SMIM35: variants seen among roughly 807,000 people sequenced by gnomAD.
SMIM35 encodes TMPRSS4 antisense RNA 1 (non-protein coding).
At chr11:118,079,484 G>A (rs73010757) in intron 1 of SMIM35, among the ~76,000 whole-genome samples, 37,839 of 152,128 alleles carry the variant, frequency 0.25, 4,740 homozygotes, top group South Asian at 0.29. Context: ...CCCTGTCCCC[G>A]AAGGAAATGT....
chr11:118,042,139 A>G (rs1464842352), intron 1 of SMIM35, among the ~76,000 whole-genome samples: 1 of 151,156 alleles, frequency 6.6e-6, no homozygotes, highest in African/African-American at 2.4e-5. Context: ...TTAGAGTGGA[A>G]ACTAATAAAA....
At chr11:118,017,851 G>A (rs1028487873) in intron 1 of SMIM35, among the ~76,000 whole-genome samples, 1 of 152,152 alleles carries the variant, frequency 6.6e-6, no homozygotes, top group African/African-American at 2.4e-5. Context: ...AGCAAAAGCG[G>A]GGAAAGTCCC....
At chr11:118,057,090 C>T (rs143381953) in intron 1 of SMIM35, among the ~76,000 whole-genome samples, 5 of 152,280 alleles carry the variant, frequency 3.3e-5, no homozygotes, top group East Asian at 1.9e-4. Flanking sequence ...CAAGGGAAAG[C>T]GGTGCATTGG....
At chr11:118,078,704 G>A (rs905533739) in intron 1 of SMIM35, among the ~76,000 whole-genome samples, 1 of 152,108 alleles carries the variant, frequency 6.6e-6, no homozygotes, top group Non-Finnish European at 1.5e-5. Flanking sequence ...TGTCTCTTGG[G>A]GGAGCAACAG....
intron 1 of SMIM35, among the ~76,000 whole-genome samples, chr11:118,062,800 T>A (rs1319724327): frequency 2.0e-5 from 3 of 152,174 alleles, no homozygotes; most frequent in Non-Finnish European, 4.4e-5. Flanking sequence ...CCAGCTTGAA[T>A]AGGAGCTGGG....
intron 1 of SMIM35, among the ~76,000 whole-genome samples, chr11:118,019,107 A>T (rs1214764890): frequency 2.0e-5 from 3 of 152,158 alleles, no homozygotes; most frequent in African/African-American, 7.2e-5. Flanking sequence ...ATTTTTAACA[A>T]ATTCTATATA....
intron 1 of SMIM35, among the ~76,000 whole-genome samples, chr11:118,035,772 C>A (rs969842316): frequency 2.0e-5 from 3 of 152,202 alleles, no homozygotes; most frequent in Non-Finnish European, 4.4e-5. Flanking sequence ...CATGGGGGAT[C>A]CTCCAGGCAG....
At chr11:118,086,707 C>T (rs908389624) in intron 1 of SMIM35, 44 bp downstream of exon 1, 4 of 153,166 alleles carry the variant, frequency 2.6e-5, no homozygotes, top group African/African-American at 9.6e-5. Flanking sequence ...ACTCCCTCCT[C>T]TCCTGCCCCA....
chr11:118,010,878 G>T (rs930177216), intron 4 of SMIM35, among the ~76,000 whole-genome samples: 1 of 152,212 alleles, frequency 6.6e-6, no homozygotes, highest in African/African-American at 2.4e-5. Flanking sequence ...GAAGGTGTTG[G>T]GAGAGGCTCT....
intron 1 of SMIM35, among the ~76,000 whole-genome samples, chr11:118,050,379 C>A (rs1944192021): frequency 6.6e-6 from 1 of 152,210 alleles, no homozygotes; most frequent in African/African-American, 2.4e-5. Context: ...GGCCCCTGCC[C>A]AGACAAAGCC....
At chr11:118,055,342 G>T (rs1421084044) in intron 1 of SMIM35, among the ~76,000 whole-genome samples, 5 of 152,106 alleles carry the variant, frequency 3.3e-5, no homozygotes, top group Non-Finnish European at 5.9e-5. Flanking sequence ...ACCCCATCTT[G>T]CAGGAAGTCA....
chr11:118,049,448 A>C (rs1439141185), intron 1 of SMIM35, among the ~76,000 whole-genome samples: 1 of 146,232 alleles, frequency 6.8e-6, no homozygotes, highest in African/African-American at 2.6e-5. Flanking sequence ...TCCTGGGTTC[A>C]AGCAATTCTC....
intron 2 of SMIM35, among the ~76,000 whole-genome samples, chr11:118,015,007 C>T (rs1397770255): frequency 6.6e-6 from 1 of 152,204 alleles, no homozygotes; most frequent in Non-Finnish European, 1.5e-5. Flanking sequence ...TCTAACTCCA[C>T]GACTTTAGCC....
intron 1 of SMIM35, among the ~76,000 whole-genome samples, chr11:118,026,225 T>A (rs1449683387): frequency 1.3e-5 from 2 of 152,244 alleles, no homozygotes; most frequent in Non-Finnish European, 2.9e-5. Context: ...TTGGGTAATG[T>A]GATGCCTGTG....
At chr11:118,026,364 C>G (rs1210636111) in intron 1 of SMIM35, among the ~76,000 whole-genome samples, 2 of 152,104 alleles carry the variant, frequency 1.3e-5, no homozygotes, top group Non-Finnish European at 2.9e-5. Flanking sequence ...TGAGGTGGGC[C>G]AATCTTCAGG....
At chr11:118,053,168 G>A (rs879525096) in intron 1 of SMIM35, among the ~76,000 whole-genome samples, 15 of 152,114 alleles carry the variant, frequency 9.9e-5, no homozygotes, top group South Asian at 6.2e-4. Context: ...TTAGCCAGGC[G>A]TGTTGGCAGG....
intron 1 of SMIM35, among the ~76,000 whole-genome samples, chr11:118,050,613 T>A (rs999081227): frequency 6.6e-5 from 10 of 152,230 alleles, no homozygotes; most frequent in Non-Finnish European, 1.5e-4. Context: ...GCAGTCCTCC[T>A]GCCTCAAAGC....
At chr11:118,007,347 CTT>C (rs2058127256) in intron 4 of SMIM35, among the ~76,000 whole-genome samples, 1 of 152,180 alleles carries the variant, frequency 6.6e-6, no homozygotes, top group African/African-American at 2.4e-5. Context: ...GCTCAGAGAG[CTT>C]GCGCTCACCA....
intron 1 of SMIM35, among the ~76,000 whole-genome samples, chr11:118,071,259 A>G (rs1003531720): frequency 6.6e-5 from 10 of 152,192 alleles, no homozygotes; most frequent in Admixed American, 5.2e-4. Flanking sequence ...CTCCCACTGA[A>G]CAGAGGTGAC....
Sources: gnomAD v4.1 joint callset for allele counts (sites outside exome capture counted in the v4.1 genomes callset) on GRCh38, gnomAD v4.1.1 for gene constraint, MANE v1.5 for transcripts, NCBI Gene and HGNC (gene_info 2026-07-23, HGNC 2026-07-21) for gene names.